The following KALRN variants were observed in gnomAD, a reference collection of about 807,000 sequenced individuals.
KALRN encodes the protein kalirin RhoGEF kinase.
Under a neutral mutation model 353.7 loss-of-function variants are expected in KALRN, and 70 were observed. The observed-to-expected ratio is 0.20, with a 90% CI of 0.16 to 0.24. The LOEUF is 0.24. Ranked by LOEUF, KALRN falls within the 10% of genes least tolerant of loss-of-function variation. The pLI, the probability that KALRN is intolerant of heterozygous loss-of-function variation, is 1.00. For missense variants in KALRN, 2,791 were observed against 3,756.7 expected (o/e 0.74, Z 6.72); for synonymous variants, 1,391 against 1,434.8 (o/e 0.97, Z 0.69).
intron 25 of KALRN, among the ~76,000 whole-genome samples, chr3:124,473,407 C>G (rs1297400706): frequency 6.6e-6 from 1 of 152,150 alleles, no homozygotes; most frequent in African/African-American, 2.4e-5. Context: ...AGAAGTGTCA[C>G]CCACCACTGT....
chr3:124,306,363 C>T (rs1031067562), intron 6 of KALRN, among the ~76,000 whole-genome samples: 1 of 151,928 alleles, frequency 6.6e-6, no homozygotes, highest in South Asian at 2.1e-4. Flanking sequence ...TAGAGAGGCT[C>T]AATGTAGATT....
chr3:124,416,580 CT>C (rs2092509935), intron 14 of KALRN, among the ~76,000 whole-genome samples: 1 of 152,254 alleles, frequency 6.6e-6, no homozygotes, highest in South Asian at 2.1e-4. Context: ...TTTAGGAATG[CT>C]CACTCCCTGT....
chr3:124,571,473 C>G (rs1021750), intron 34 of KALRN, among the ~76,000 whole-genome samples: 57,261 of 152,030 alleles, frequency 0.38, 11,399 homozygotes, highest in African/African-American at 0.51. Context: ...CTGAGACTCT[C>G]TATAGGCTGG....
Position 124,033,831 on chromosome 3 carries a change from CG to C in KALRN, c.73+24del, listed in dbSNP as rs1268322503. Among the ~76,000 whole-genome samples the C allele has an allele frequency of 2.0e-5, 3 of 152,286 alleles. No homozygotes were observed. Among genetic ancestry groups the C allele is most frequent in the East Asian group, 1.9e-4 (1 of 5,158 alleles). ...CCGGACAGGTAAGCCGGGCAGGGCG[CG>C]GGGGGCCAGGGCTGAAGGCTACTGC... On this transcript the variant is annotated intron_variant, in intron 1 of 59. Coordinates refer to ENST00000682506, the MANE Select transcript of KALRN (RefSeq NM_001388419.1). The surrounding 1 kb of genome is among the most constrained non-coding windows in gnomAD (Gnocchi z 6.2).
intron 34 of KALRN, among the ~76,000 whole-genome samples, chr3:124,593,730 A>ATT (rs1384014603): frequency 6.6e-6 from 1 of 152,220 alleles, no homozygotes; most frequent in African/African-American, 2.4e-5. Flanking sequence ...GGGAATAGGA[A>ATT]TTAGGAATCA....
intron 33 of KALRN, chr3:124,562,639 G>A: frequency 2.6e-6 from 1 of 380,916 alleles, no homozygotes; most frequent in East Asian, 7.5e-5. Flanking sequence ...TTTTTTTCTT[G>A]TTTTCTTTCC....
chr3:124,616,312 A>G (rs1275017907), intron 34 of KALRN, among the ~76,000 whole-genome samples: 2 of 152,216 alleles, frequency 1.3e-5, no homozygotes, highest in East Asian at 3.9e-4. Flanking sequence ...TGAAGGGCAC[A>G]TTGTGAGTTG....
At chr3:124,256,239 C>G (rs1022333436) in intron 3 of KALRN, among the ~76,000 whole-genome samples, 1 of 152,146 alleles carries the variant, frequency 6.6e-6, no homozygotes, top group South Asian at 2.1e-4. Flanking sequence ...CAAAGCTTGG[C>G]CTGGGGTTGT....
At chr3:124,186,557 C>G (rs2074253237) in intron 1 of KALRN, among the ~76,000 whole-genome samples, 1 of 152,194 alleles carries the variant, frequency 6.6e-6, no homozygotes, top group Non-Finnish European at 1.5e-5. Context: ...GTCATATATA[C>G]TACTGAATCC....
intron 13 of KALRN, among the ~76,000 whole-genome samples, chr3:124,400,164 A>G (rs150352510): frequency 1.3e-5 from 2 of 152,288 alleles, no homozygotes; most frequent in African/African-American, 4.8e-5. Flanking sequence ...GAAAGCTCCA[A>G]TATCCCATCC....
intron 34 of KALRN, among the ~76,000 whole-genome samples, chr3:124,628,612 G>A (rs56688610): frequency 0.71 from 103,828 of 146,924 alleles, 36,838 homozygotes; most frequent in East Asian, 0.89. Flanking sequence ...CTCTTGCTCT[G>A]TTGACCAGGC....
chr3:124,584,790 G>C (rs768654397), intron 34 of KALRN: 2 of 1,583,704 alleles, frequency 1.3e-6, no homozygotes, highest in Non-Finnish European at 1.7e-6. Context: ...GGCGCCCCGT[G>C]CCATGCGGGA....
rs79418444 is a variant in KALRN at position 124,193,573 on chromosome 3, A to G, written c.74-34417A>G. 3.3e-5 allele frequency among the ~76,000 whole-genome samples: 5 copies of G among 151,686 alleles called. No homozygotes were observed. In the East Asian group the frequency reaches 7.7e-4, roughly 23 times the overall value. ...CCCTATTTCCAAGTTCACTCCTACT[A>G]TACTCCTTTCTACATATACAATCAA... On this transcript the variant is annotated intron_variant, in intron 1 of 59. Transcript: ENST00000682506.
chr3:124,307,812 G>C (rs1580770562), intron 6 of KALRN, among the ~76,000 whole-genome samples: 1 of 151,892 alleles, frequency 6.6e-6, no homozygotes, highest in Non-Finnish European at 1.5e-5. Context: ...TCCAATCAAA[G>C]GTAGAAATTG....
chr3:124,225,897 T>C (rs1382847758), intron 1 of KALRN, among the ~76,000 whole-genome samples: 1 of 152,134 alleles, frequency 6.6e-6, no homozygotes, highest in Non-Finnish European at 1.5e-5. Flanking sequence ...GTATAGTAAA[T>C]CTCATTAGTT....
intron 23 of KALRN, among the ~76,000 whole-genome samples, chr3:124,457,194 C>T (rs1403711578): frequency 6.6e-6 from 1 of 152,026 alleles, no homozygotes. Flanking sequence ...CTCAGCCTCC[C>T]GAGTAGCTGG....
At chr3:124,509,931 C>T (rs796889562) in intron 33 of KALRN, among the ~76,000 whole-genome samples, 10 of 152,254 alleles carry the variant, frequency 6.6e-5, no homozygotes, top group African/African-American at 2.4e-4. Flanking sequence ...TCTATAGGCA[C>T]ATGTATTGCC....
At position 124,142,853 on chromosome 3, in the gene KALRN, T is replaced by TCTCCTCCTC. The variant is rs1451089267; in HGVS notation, c.74-85132_74-85124dup. Among the ~76,000 whole-genome samples the TCTCCTCCTC allele has an allele frequency of 6.6e-5, 10 of 151,954 alleles. No homozygotes were observed. In the South Asian group the frequency reaches 2.1e-3, roughly 32 times the overall value. ...GAGTTTGGTTTCCTTTACTCCTCCT[T>TCTCCTCCTC]CTCCTCCTCCTCCCACAAAAGTGCC... On this transcript the variant is annotated intron_variant, in intron 1 of 59. Transcript: ENST00000682506.
In KALRN at chr3:124,460,666, G is replaced by A. The variant is rs149418875; in HGVS notation, c.3855-1224G>A. 1.2e-4 allele frequency among the ~76,000 whole-genome samples: 18 copies of A among 152,274 alleles called. No individual in the cohort carries two copies. The East Asian group carries it at 3.5e-3, about 29-fold the overall frequency. The stretch of plus-strand genomic sequence containing the variant: ...TTCTGTGTGATCAGCTATTTTATAA[G>A]TAAGGAGTCTGAGACCTGGAGAGGC... On this transcript the variant is annotated intron_variant, in intron 23 of 59. Transcript: ENST00000682506.
Sources: allele counts gnomAD v4.1 joint callset (sites outside exome capture counted in the v4.1 genomes callset), GRCh38; gene constraint gnomAD v4.1.1; non-coding constraint Gnocchi (gnomAD v3.1); transcripts MANE v1.5; gene names NCBI Gene and HGNC (gene_info 2026-07-23, HGNC 2026-07-21).